TGFBR3: variants seen among roughly 807,000 people sequenced by gnomAD.
TGFBR3 encodes transforming growth factor beta receptor 3.
TGFBR3 carries 46 observed loss-of-function variants against 87.9 expected under a neutral mutation model. The ratio of observed to expected loss-of-function variants is 0.52; its 90% CI spans 0.41 to 0.67. The LOEUF (loss-of-function observed/expected upper bound fraction) is 0.67, where lower values mean the gene tolerates loss of function less well. Among genes scored for constraint, TGFBR3 ranks in the 30% least tolerant of loss-of-function variants. The pLI is 0.00. For synonymous variants in TGFBR3, 381 were observed against 391.6 expected (o/e 0.97, Z 0.32); for missense variants, 866 against 1,041.9 (o/e 0.83, Z 2.32).
intron 16 of TGFBR3, among the ~76,000 whole-genome samples, chr1:91,691,515 C>T (rs942118837): frequency 6.6e-6 from 1 of 152,194 alleles, no homozygotes; most frequent in Non-Finnish European, 1.5e-5. Flanking sequence ...ACATTCTGTA[C>T]CTTGCCAAAC....
At chr1:91,857,129 T>G (rs1203470958) in intron 2 of TGFBR3, among the ~76,000 whole-genome samples, 2 of 152,214 alleles carry the variant, frequency 1.3e-5, no homozygotes, top group Non-Finnish European at 2.9e-5. Context: ...CTGAAGCTAA[T>G]GAGGCCACAT....
intron 16 of TGFBR3, among the ~76,000 whole-genome samples, chr1:91,690,156 T>TGGCATCA (rs1343282722): frequency 6.6e-6 from 1 of 152,044 alleles, no homozygotes; most frequent in Non-Finnish European, 1.5e-5. Context: ...CAGGGAATGG[T>TGGCATCA]GGCATCAGGC....
At chr1:91,821,806 C>G (rs1456887624) in intron 2 of TGFBR3, among the ~76,000 whole-genome samples, 2 of 152,224 alleles carry the variant, frequency 1.3e-5, no homozygotes, top group Non-Finnish European at 2.9e-5. Flanking sequence ...ATGAAGACAT[C>G]TACACTTTGT....
At chr1:91,723,480 T>TAAAAAAAAAAAA (rs58578681) in intron 7 of TGFBR3, among the ~76,000 whole-genome samples, 1 of 109,126 alleles carries the variant, frequency 9.2e-6, no homozygotes, top group African/African-American at 3.8e-5. Context: ...GACCCTGCCT[T>TAAAAAAAAAAAA]AAAAAAAAAA....
intron 7 of TGFBR3, 102 bp downstream of exon 7, chr1:91,727,557 G>A: frequency 2.1e-6 from 3 of 1,434,800 alleles, no homozygotes; most frequent in Non-Finnish European, 2.9e-6. Context: ...AGAGCTTAGA[G>A]AGTCCAAAGA....
At chr1:91,779,023 A>G (rs1438260715) in intron 3 of TGFBR3, among the ~76,000 whole-genome samples, 2 of 152,186 alleles carry the variant, frequency 1.3e-5, no homozygotes, top group Non-Finnish European at 1.5e-5. Context: ...GACAGGAGGC[A>G]AGATGTCAGG....
intron 2 of TGFBR3, among the ~76,000 whole-genome samples, chr1:91,821,328 C>CAAAAA (rs35313779): frequency 1.2e-4 from 9 of 77,544 alleles, no homozygotes; most frequent in Non-Finnish European, 1.7e-4. Flanking sequence ...AAGACTGTCT[C>CAAAAA]AAAAAAAAAA....
chr1:91,873,390 C>A (rs2101248014), intron 1 of TGFBR3, among the ~76,000 whole-genome samples: 1 of 146,110 alleles, frequency 6.8e-6, no homozygotes, highest in East Asian at 2.1e-4. Flanking sequence ...TTAAGCAATT[C>A]TCCTGCCTCT....
chr1:91,867,877 C>A, intron 1 of TGFBR3, among the ~76,000 whole-genome samples: 1 of 152,150 alleles, frequency 6.6e-6, no homozygotes, highest in East Asian at 1.9e-4. Context: ...AGAATATAGG[C>A]ATGGTACCTA....
At chr1:91,759,947 T>C (rs1364069631) in intron 3 of TGFBR3, among the ~76,000 whole-genome samples, 1 of 152,240 alleles carries the variant, frequency 6.6e-6, no homozygotes, top group Non-Finnish European at 1.5e-5. Flanking sequence ...GATCTCAACA[T>C]ACTTCTACCT....
intron 1 of TGFBR3, among the ~76,000 whole-genome samples, chr1:91,867,089 C>G (rs902883563): frequency 6.6e-6 from 1 of 152,172 alleles, no homozygotes; most frequent in Non-Finnish European, 1.5e-5. Flanking sequence ...TTAGCTACAT[C>G]ACAGAGTTGT....
In TGFBR3 at chr1:91,758,601, T is replaced by A. The variant is rs763052375; in HGVS notation, c.384+12A>T. 5 of 1,613,792 alleles carry A rather than the reference T, an allele frequency of 3.1e-6. No homozygotes were observed. The South Asian group carries it at 4.4e-5, about 14-fold the overall frequency. On this transcript the variant is annotated intron_variant, in intron 4 of 16. Transcript: ENST00000212355. Reference sequence around the variant, plus strand: ...TGCTAAGGATCAGTTTGGGGGAGGTTTAAGCACTTACCAAAAACAGTCTGG... The same window carrying A: ...TGCTAAGGATCAGTTTGGGGGAGGTATAAGCACTTACCAAAAACAGTCTGG...
intron 3 of TGFBR3, among the ~76,000 whole-genome samples, chr1:91,796,428 A>G (rs1179755979): frequency 6.6e-6 from 1 of 152,206 alleles, no homozygotes; most frequent in Non-Finnish European, 1.5e-5. Context: ...AGTAACTATG[A>G]GCATATATCT....
chr1:91,730,985 G>A (rs1023381370), intron 5 of TGFBR3, among the ~76,000 whole-genome samples: 15 of 152,352 alleles, frequency 9.8e-5, no homozygotes, highest in East Asian at 9.6e-4. Flanking sequence ...TACACAGCAC[G>A]GCGGCTGATG....
chr1:91,795,604 C>T (rs1675351909), intron 3 of TGFBR3, among the ~76,000 whole-genome samples: 1 of 152,228 alleles, frequency 6.6e-6, no homozygotes, highest in Admixed American at 6.5e-5. Flanking sequence ...GCTTCTGTAA[C>T]AGCTTGGACT....
intron 1 of TGFBR3, among the ~76,000 whole-genome samples, chr1:91,881,895 C>T (rs1050352302): frequency 7.3e-5 from 11 of 151,646 alleles, no homozygotes; most frequent in African/African-American, 1.7e-4. Flanking sequence ...AAAAATTAGT[C>T]GGGCGTGGTG....
chr1:91,689,923 T>C (rs1452287117), intron 16 of TGFBR3, among the ~76,000 whole-genome samples: 2 of 149,514 alleles, frequency 1.3e-5, no homozygotes, highest in African/African-American at 2.5e-5. Context: ...TGCATTCCTT[T>C]CCCAAATCTT....
At chr1:91,753,861 T>C (rs1557693385) in intron 4 of TGFBR3, among the ~76,000 whole-genome samples, 1 of 152,242 alleles carries the variant, frequency 6.6e-6, no homozygotes, top group Non-Finnish European at 1.5e-5. Flanking sequence ...GGTAGACATT[T>C]GGGTTGTTTC....
upstream of TGFBR3, among the ~76,000 whole-genome samples, chr1:91,890,080 G>C (rs1679413943): frequency 6.6e-6 from 1 of 152,152 alleles, no homozygotes; most frequent in Admixed American, 6.6e-5. Flanking sequence ...TAAGATACCA[G>C]CTTTCTTTTG....
Sources: allele counts gnomAD v4.1 joint callset (sites outside exome capture counted in the v4.1 genomes callset), GRCh38; gene constraint gnomAD v4.1.1; transcripts MANE v1.5; gene names NCBI Gene and HGNC (gene_info 2026-07-23, HGNC 2026-07-21).